TENM3: variants seen among roughly 807,000 people sequenced by gnomAD.
TENM3 encodes the protein teneurin transmembrane protein 3, also known as teneurin-3.
TENM3 carries 63 observed loss-of-function variants against 255.1 expected under a neutral mutation model. The ratio of observed to expected loss-of-function variants is 0.25; its 90% confidence interval spans 0.20 to 0.30. TENM3 has a LOEUF of 0.30. Among genes scored for constraint, TENM3 ranks in the 10% least tolerant of loss-of-function variants. The pLI, the probability that TENM3 is intolerant of heterozygous loss-of-function variation, is 1.00. For missense variants in TENM3, 2,929 were observed against 3,461.1 expected (o/e 0.85, Z 3.86); for synonymous variants, 1,306 against 1,322.3 (o/e 0.99, Z 0.27).
intron 4 of TENM3, among the ~76,000 whole-genome samples, chr4:182,622,399 T>A (rs959299764): frequency 2.0e-5 from 3 of 152,218 alleles, no homozygotes; most frequent in African/African-American, 7.2e-5. Context: ...TTGCCAAGAT[T>A]GGTGATCTCA....
chr4:182,263,478 T>C (rs1463459414), intron 1 of TENM3, among the ~76,000 whole-genome samples: 1 of 152,328 alleles, frequency 6.6e-6, no homozygotes, highest in East Asian at 1.9e-4. Flanking sequence ...AGAACAGCTT[T>C]GGCACTATGA....
chr4:182,422,462 A>G (rs1770909485), intron 3 of TENM3, among the ~76,000 whole-genome samples: 1 of 152,204 alleles, frequency 6.6e-6, no homozygotes, highest in African/African-American at 2.4e-5. Flanking sequence ...ATTAATTATG[A>G]TAAGGATTTC....
the TENM3 span, among the ~76,000 whole-genome samples, chr4:181,919,504 C>T: frequency 1.3e-5 from 2 of 151,804 alleles, no homozygotes; most frequent in African/African-American, 4.8e-5. Flanking sequence ...TAACTTTTTA[C>T]CTGAGAGTAA....
chr4:181,833,381 T>C, the TENM3 span, among the ~76,000 whole-genome samples: 15 of 152,250 alleles, frequency 9.9e-5, no homozygotes, highest in African/African-American at 3.6e-4. Context: ...GCTATCACAG[T>C]AGCTTCCTTA....
the TENM3 span, among the ~76,000 whole-genome samples, chr4:182,068,062 A>T: frequency 4.6e-5 from 7 of 152,164 alleles, no homozygotes; most frequent in African/African-American, 1.7e-4. Flanking sequence ...CAGTGATGTT[A>T]GCCCCAATTT....
the TENM3 span, among the ~76,000 whole-genome samples, chr4:181,662,495 T>C: frequency 1.3e-4 from 20 of 152,356 alleles, no homozygotes; most frequent in South Asian, 4.1e-4. Flanking sequence ...ACAATGTTCC[T>C]TGTCCTTCTC....
At position 182,619,862 on chromosome 4, in the gene TENM3, G is replaced by A. The variant is rs73872451; in HGVS notation, c.750-8789G>A. On this transcript the variant is annotated intron_variant, in intron 4 of 27. Coordinates refer to ENST00000511685, the MANE Select transcript of TENM3 (RefSeq NM_001080477.4). ...GAACTGGAGGCAGGCTCCGTGCAGG[G>A]CATCATTGGAAACATCAGAACAAAA... is the stretch of plus-strand genomic sequence containing the variant. 8.3e-3 allele frequency among the ~76,000 whole-genome samples: 1,257 copies of A among 152,292 alleles called. 21 individuals are homozygous for A. Among genetic ancestry groups the A allele is most frequent in the African/African-American group, 0.029 (1,205 of 41,560 alleles).
chr4:182,180,314 A>G (rs1012358313), intron 1 of TENM3, among the ~76,000 whole-genome samples: 5 of 152,140 alleles, frequency 3.3e-5, no homozygotes, highest in African/African-American at 9.7e-5. Flanking sequence ...CGATAATCTC[A>G]CCCATGTGTC....
intron 1 of TENM3, among the ~76,000 whole-genome samples, chr4:182,178,931 A>G (rs575330819): frequency 2.8e-4 from 43 of 152,336 alleles, no homozygotes; most frequent in African/African-American, 1.0e-3. Flanking sequence ...ATTGGAATGA[A>G]GGAAATGTAC....
At chr4:182,076,367 C>G in the TENM3 span, among the ~76,000 whole-genome samples, 1 of 151,998 alleles carries the variant, frequency 6.6e-6, no homozygotes, top group Non-Finnish European at 1.5e-5. Context: ...CCACGCCCAG[C>G]TTATTTTTGT....
chr4:181,630,471 C>A, the TENM3 span, among the ~76,000 whole-genome samples: 1 of 152,092 alleles, frequency 6.6e-6, no homozygotes, highest in African/African-American at 2.4e-5. Context: ...CTCTTGTGGG[C>A]ATTTAGTGCT....
At chr4:182,257,417 C>T (rs114008063) in intron 1 of TENM3, among the ~76,000 whole-genome samples, 1,549 of 152,176 alleles carry the variant, frequency 0.01, 23 homozygotes, top group African/African-American at 0.035. Flanking sequence ...CCTTAGAGGA[C>T]GCTGGATAAT....
At chr4:181,819,366 A>T in the TENM3 span, among the ~76,000 whole-genome samples, 22 of 152,204 alleles carry the variant, frequency 1.4e-4, no homozygotes, top group African/African-American at 5.3e-4. Flanking sequence ...AAGTAATAAA[A>T]ATAATAGGTC....
chr4:182,795,068 A>C (rs2152833760), intron 26 of TENM3, among the ~76,000 whole-genome samples: 1 of 152,062 alleles, frequency 6.6e-6, no homozygotes, highest in South Asian at 2.1e-4. Flanking sequence ...CTGTTCTCTC[A>C]GTTCTCAAAA....
the TENM3 span, among the ~76,000 whole-genome samples, chr4:182,041,758 C>A: frequency 6.6e-6 from 1 of 152,134 alleles, no homozygotes; most frequent in Non-Finnish European, 1.5e-5. Context: ...GTCCCAGGAA[C>A]CAAAATGTCT....
chr4:181,513,815 G>A, the TENM3 span, among the ~76,000 whole-genome samples: 7 of 152,048 alleles, frequency 4.6e-5, no homozygotes, highest in East Asian at 5.8e-4. Flanking sequence ...AGTTCATACC[G>A]TTTAAACACA....
chr4:181,709,125 G>A, the TENM3 span, among the ~76,000 whole-genome samples: 4 of 152,212 alleles, frequency 2.6e-5, no homozygotes, highest in African/African-American at 9.6e-5. Flanking sequence ...TGTGTTTCCA[G>A]TAATATTTAT....
intron 2 of TENM3, among the ~76,000 whole-genome samples, chr4:182,333,939 A>G (rs922777352): frequency 6.6e-6 from 1 of 152,206 alleles, no homozygotes; most frequent in Admixed American, 6.5e-5. Context: ...TTCTGAATCC[A>G]CATGACCTGT....
chr4:182,157,775 C>T (rs115879761), intron 1 of TENM3, among the ~76,000 whole-genome samples: 2,690 of 152,204 alleles, frequency 0.018, 75 homozygotes, highest in African/African-American at 0.061. Flanking sequence ...GAGGTAAGGG[C>T]GTTCCAGGAG....
Sources: gnomAD v4.1 joint callset for allele counts (sites outside exome capture counted in the v4.1 genomes callset) on GRCh38, gnomAD v4.1.1 for gene constraint, MANE v1.5 for transcripts, NCBI Gene and HGNC (gene_info 2026-07-23, HGNC 2026-07-21) for gene names.